Variants in FAM135A observed in about 807,000 individuals in gnomAD.
The protein encoded by FAM135A is family with sequence similarity 135 member A.
Under a neutral mutation model 146.8 loss-of-function variants are expected in FAM135A, and 79 were observed. The ratio of observed to expected loss-of-function variants is 0.54; its 90% CI spans 0.45 to 0.65. FAM135A has a LOEUF of 0.65. Ranked by LOEUF, FAM135A falls within the 30% of genes least tolerant of loss-of-function variation. FAM135A has a pLI of 0.00. For synonymous variants in FAM135A, 562 were observed against 603.6 expected, an observed-to-expected ratio of 0.93 and a Z score of 1.01; for missense variants, 1,623 against 1,758.2, an observed-to-expected ratio of 0.92 and a Z score of 1.38.
At chr6:70,491,320 A>T (rs143394740) in intron 11 of FAM135A, among the ~76,000 whole-genome samples, 1 of 152,116 alleles carries the variant, frequency 6.6e-6, no homozygotes, top group East Asian at 1.9e-4. Flanking sequence ...AGCAAAGATA[A>T]TTAACTGATC....
At chr6:70,502,501 CATGCACATACAA>C in intron 11 of FAM135A, 123 bp from the exon 12 acceptor site, 1 of 740,802 alleles carries the variant, frequency 1.3e-6, no homozygotes, top group Non-Finnish European at 2.1e-6. Context: ...TACACATGTG[CATGCACATACAA>C]ATGCACATCT....
chr6:70,445,441 G>A (rs1273455482), intron 4 of FAM135A, among the ~76,000 whole-genome samples: 1 of 152,300 alleles, frequency 6.6e-6, no homozygotes, highest in East Asian at 1.9e-4. Flanking sequence ...TGCGGAGTGG[G>A]AAATCAGGGA....
In FAM135A at chr6:70,477,399, G is replaced by A. The variant is rs117098879; in HGVS notation, c.542+67G>A. The stretch of plus-strand genomic sequence containing the variant: ...TGCAATAAAGAAATACCTGAGACTG[G>A]TCAATTTATAAATAAAAGAGGTTTA... On this transcript the variant is annotated intron_variant, in intron 8 of 21. Coordinates refer to ENST00000418814, the MANE Select transcript of FAM135A (RefSeq NM_001162529.3). 3,026 of 1,481,332 alleles carry A rather than the reference G, an allele frequency of 2.0e-3. 4 individuals are homozygous for A. Among genetic ancestry groups the A allele is most frequent in the Admixed American group, 3.7e-3 (184 of 49,892 alleles). The allele number at this position is 1,481,332 out of a possible 1,614,324, so 91.8% of individuals were successfully genotyped here. A position where few individuals can be genotyped will look rare whatever the true frequency, so the allele number is the denominator to read the frequency against.
chr6:70,455,047 T>G (rs1298449803), intron 5 of FAM135A, among the ~76,000 whole-genome samples: 1 of 152,220 alleles, frequency 6.6e-6, no homozygotes, highest in Admixed American at 6.5e-5. Context: ...CAATATTGAT[T>G]CTTCCTATCC....
chr6:70,482,540 C>T (rs942823812), intron 10 of FAM135A, among the ~76,000 whole-genome samples: 1 of 151,992 alleles, frequency 6.6e-6, no homozygotes, highest in East Asian at 1.9e-4. Flanking sequence ...GTACTTAGGG[C>T]ATTTTTGTTT....
chr6:70,432,863 T>A (rs1249379468), intron 4 of FAM135A, among the ~76,000 whole-genome samples: 1 of 152,002 alleles, frequency 6.6e-6, no homozygotes, highest in Admixed American at 6.5e-5. Flanking sequence ...TACTGCCATA[T>A]TTAAGATGAT....
At chr6:70,413,798 C>T in intron 1 of FAM135A, 96 bp downstream of exon 1, 1 of 985,278 alleles carries the variant, frequency 1.0e-6, no homozygotes, top group Non-Finnish European at 1.2e-6. Context: ...AGGAAGCGGC[C>T]TCCTCTTCGT....
intron 12 of FAM135A, chr6:70,503,894 G>C (rs541032457): frequency 6.6e-6 from 1 of 152,078 alleles, no homozygotes; most frequent in African/African-American, 2.4e-5. Context: ...CCATTCTACT[G>C]TTGATAGATT....
At chr6:70,499,252 G>T (rs1464584495) in intron 11 of FAM135A, among the ~76,000 whole-genome samples, 2 of 151,940 alleles carry the variant, frequency 1.3e-5, no homozygotes, top group East Asian at 3.9e-4. Flanking sequence ...CTTTTTTTAT[G>T]TTTGTTGGTT....
intron 12 of FAM135A, among the ~76,000 whole-genome samples, chr6:70,514,996 C>A (rs1791880638): frequency 1.3e-5 from 2 of 152,150 alleles, no homozygotes; most frequent in African/African-American, 2.4e-5. Flanking sequence ...CAACTCTAGC[C>A]TTCTGTATGG....
chr6:70,542,276 A>ACACACACACACACACACACACACC (rs1242891663), intron 20 of FAM135A, among the ~76,000 whole-genome samples: 152 of 149,120 alleles, frequency 1.0e-3, no homozygotes, highest in African/African-American at 3.5e-3. Flanking sequence ...ACACACACAC[A>ACACACACACACACACACACACACC]CCCTTTGCTG....
At chr6:70,425,417 GAT>G (rs1189791728) in intron 2 of FAM135A, among the ~76,000 whole-genome samples, 1 of 152,126 alleles carries the variant, frequency 6.6e-6, no homozygotes, top group African/African-American at 2.4e-5. Context: ...CTTATATAAA[GAT>G]AGCATTGTTT....
At chr6:70,503,961 T>C (rs184747883) in intron 12 of FAM135A, 16 of 152,378 alleles carry the variant, frequency 1.1e-4, no homozygotes, top group Non-Finnish European at 1.8e-4. Context: ...AACATTCTTA[T>C]GTATATGTCC....
At chr6:70,552,465 C>CTTT (rs35509125) in intron 20 of FAM135A, among the ~76,000 whole-genome samples, 4 of 96,826 alleles carry the variant, frequency 4.1e-5, no homozygotes, top group Non-Finnish European at 6.0e-5. Context: ...GTTGAAGATT[C>CTTT]TTTTTTTTTT....
chr6:70,452,961 T>A (rs1187514588), intron 5 of FAM135A, among the ~76,000 whole-genome samples: 1 of 152,170 alleles, frequency 6.6e-6, no homozygotes, highest in African/African-American at 2.4e-5. Context: ...AACCAATTTT[T>A]TTTTTCTGGA....
chr6:70,481,278 C>T (rs1783651566), intron 9 of FAM135A, among the ~76,000 whole-genome samples: 1 of 152,194 alleles, frequency 6.6e-6, no homozygotes, highest in Non-Finnish European at 1.5e-5. Flanking sequence ...TTGTTACTGT[C>T]ACCCCTTGGT....
chr6:70,547,731 C>T (rs1212124129), intron 20 of FAM135A, among the ~76,000 whole-genome samples: 1 of 152,150 alleles, frequency 6.6e-6, no homozygotes, highest in Non-Finnish European at 1.5e-5. Flanking sequence ...AGACTTTAGA[C>T]TATGAAGATG....
intron 1 of FAM135A, among the ~76,000 whole-genome samples, chr6:70,414,876 A>G (rs890174642): frequency 3.3e-5 from 5 of 152,240 alleles, no homozygotes; most frequent in Non-Finnish European, 5.9e-5. Context: ...CTACAAACAT[A>G]CACTTAAAAT....
intron 12 of FAM135A, chr6:70,505,033 C>T (rs1308370172): frequency 1.3e-5 from 2 of 150,750 alleles, no homozygotes; most frequent in Non-Finnish European, 2.9e-5. Flanking sequence ...CATTTTGGTA[C>T]ATTTGCTTTA....
Sources: allele counts gnomAD v4.1 joint callset (sites outside exome capture counted in the v4.1 genomes callset), GRCh38; gene constraint gnomAD v4.1.1; transcripts MANE v1.5; gene names NCBI Gene and HGNC (gene_info 2026-07-23, HGNC 2026-07-21).